Variants in DGKB observed in about 807,000 individuals in gnomAD.
DGKB encodes the protein diacylglycerol kinase beta.
In DGKB, 67 loss-of-function variants were observed where a neutral mutation model predicts 114.3. That is an observed-to-expected ratio of 0.59 (90% confidence interval 0.48 to 0.72). The LOEUF (loss-of-function observed/expected upper bound fraction) is 0.72. Ranked by LOEUF, DGKB falls within the 30% of genes least tolerant of loss-of-function variation. DGKB has a pLI of 0.00. For synonymous variants in DGKB, 398 were observed against 323.1 expected (o/e 1.23, Z -2.49); for missense variants, 907 against 975.2 (o/e 0.93, Z 0.93).
intron 1 of DGKB, among the ~76,000 whole-genome samples, chr7:14,961,448 C>T (rs188583812): frequency 3.3e-5 from 5 of 152,160 alleles, no homozygotes; most frequent in African/African-American, 7.2e-5. Context: ...TTAAAGTGCA[C>T]TCCATTTTAT....
At chr7:14,481,885 C>T (rs545924991) in intron 20 of DGKB, among the ~76,000 whole-genome samples, 1 of 152,034 alleles carries the variant, frequency 6.6e-6, no homozygotes, top group African/African-American at 2.4e-5. Flanking sequence ...AGTGTTACTG[C>T]AAACAAGAAA....
chr7:14,424,446 C>T (rs1827196242), intron 21 of DGKB, among the ~76,000 whole-genome samples: 1 of 151,876 alleles, frequency 6.6e-6, no homozygotes, highest in Non-Finnish European at 1.5e-5. Context: ...TAGCAAAAAG[C>T]CTTCTCTGAC....
Position 14,147,344 on chromosome 7 carries a change from GTAAT to G in DGKB, c.*1783_*1786del, listed in dbSNP as rs1384270146. ...TTATTCAAAAGCTTTTATTTTTAAA[GTAAT>G]TAAGCTTATTGTTGATTGATATTTA... is the stretch of plus-strand genomic sequence containing the variant. On this transcript the variant is annotated 3_prime_UTR_variant, in exon 26 of 26. Coordinates refer to ENST00000402815, the MANE Select transcript of DGKB (RefSeq NM_001350709.2). 6.6e-6 allele frequency: 1 copy of G among 152,108 alleles called. No individual in the cohort carries two copies. Among genetic ancestry groups the G allele is most frequent in the African/African-American group, 2.4e-5 (1 of 41,426 alleles). 9.4% of individuals were successfully genotyped at this position (152,108 alleles called of 1,614,324 possible).
chr7:14,250,667 T>G (rs904377218), intron 23 of DGKB, among the ~76,000 whole-genome samples: 7 of 152,210 alleles, frequency 4.6e-5, no homozygotes, highest in Admixed American at 3.3e-4. Context: ...ATTTGGTCAG[T>G]AGTGTTGTAG....
At chr7:14,616,032 TA>T in intron 15 of DGKB, among the ~76,000 whole-genome samples, 1 of 151,148 alleles carries the variant, frequency 6.6e-6, no homozygotes, top group African/African-American at 2.4e-5. Context: ...GTAATATTTT[TA>T]TTTTTTTGAA....
chr7:14,435,507 T>C (rs1195352460), intron 21 of DGKB, among the ~76,000 whole-genome samples: 3 of 152,116 alleles, frequency 2.0e-5, no homozygotes, highest in African/African-American at 4.8e-5. Flanking sequence ...TATGTGAGTA[T>C]AGTAAATGAT....
At chr7:14,888,314 T>C (rs1780637270) in intron 1 of DGKB, among the ~76,000 whole-genome samples, 1 of 151,578 alleles carries the variant, frequency 6.6e-6, no homozygotes, top group Non-Finnish European at 1.5e-5. Context: ...ACGGGTTCTT[T>C]TCATTCCATA....
intron 23 of DGKB, among the ~76,000 whole-genome samples, chr7:14,288,655 C>T (rs1450998191): frequency 2.0e-5 from 3 of 152,076 alleles, no homozygotes; most frequent in Admixed American, 1.3e-4. Flanking sequence ...CTACTCTTTG[C>T]CTTCATCATT....
intron 17 of DGKB, among the ~76,000 whole-genome samples, chr7:14,597,826 A>ATG (rs144594157): frequency 2.7e-4 from 41 of 151,406 alleles, no homozygotes; most frequent in Admixed American, 1.1e-3. Flanking sequence ...AATAATTTAC[A>ATG]TGTGTGTGTG....
chr7:14,860,813 T>A (rs1850865815), intron 1 of DGKB, among the ~76,000 whole-genome samples: 1 of 151,878 alleles, frequency 6.6e-6, no homozygotes. Flanking sequence ...ACAACCTGAT[T>A]TTATGTGCAA....
chr7:14,170,151 A>AG (rs1378915075), intron 25 of DGKB, among the ~76,000 whole-genome samples: 3 of 68,422 alleles, frequency 4.4e-5, no homozygotes, highest in African/African-American at 3.3e-4. Flanking sequence ...AAAAAAAAGA[A>AG]AGAAAGAAAG....
At chr7:14,408,341 A>G (rs955242376) in intron 21 of DGKB, among the ~76,000 whole-genome samples, 1 of 152,142 alleles carries the variant, frequency 6.6e-6, no homozygotes, top group African/African-American at 2.4e-5. Context: ...GGGAGTAAGA[A>G]CAGAATAAGG....
chr7:14,195,066 C>G lies in DGKB; in HGVS notation c.2123-16915G>C, dbSNP rs568185804. Among the ~76,000 whole-genome samples the G allele has an allele frequency of 3.3e-5, 5 of 152,224 alleles. No homozygotes were observed. The East Asian group carries it at 9.7e-4, about 29-fold the overall frequency. ...ACAGCAATCCATTGCTGCCACTAGC[C>G]ATGTGTATTATCAGTAAATGTAAAT... On this transcript the variant is annotated intron_variant, in intron 23 of 25. Coordinates refer to ENST00000402815, the MANE Select transcript of DGKB (RefSeq NM_001350709.2).
In DGKB at chr7:14,621,405, A is replaced by T. The variant is rs757269261; in HGVS notation, c.1257T>A (p.Ser419=). Residue 419 remains serine (S), a synonymous_variant, in exon 15 of 26, where the codon TCT becomes TCA. Transcript: ENST00000402815. ...IDKNKMQRAN[S]VTVDGQGLQV... ...GCAGGCCTTGTCCATCTACAGTAACAGAGTTGGCTCTTTGCATTTTATTCT... is the reference window on the plus strand; with the variant it reads ...GCAGGCCTTGTCCATCTACAGTAACTGAGTTGGCTCTTTGCATTTTATTCT... 4 of 1,610,646 alleles carry T rather than the reference A, an allele frequency of 2.5e-6. No homozygotes were observed. In the African/African-American group the frequency reaches 4.0e-5, roughly 16 times the overall value.
intron 13 of DGKB, among the ~76,000 whole-genome samples, chr7:14,657,880 G>A (rs1227676188): frequency 1.3e-5 from 2 of 151,902 alleles, no homozygotes; most frequent in African/African-American, 4.8e-5. Context: ...AAAGTCAGAT[G>A]AAAAAATCTA....
At chr7:14,889,285 G>A (rs1315861883) in intron 1 of DGKB, among the ~76,000 whole-genome samples, 1 of 151,676 alleles carries the variant, frequency 6.6e-6, no homozygotes, top group East Asian at 1.9e-4. Context: ...ATTCCATGTA[G>A]AGGGAGCAAT....
At chr7:14,877,969 C>A (rs1347440515) in intron 1 of DGKB, among the ~76,000 whole-genome samples, 1 of 151,696 alleles carries the variant, frequency 6.6e-6, no homozygotes, top group Admixed American at 6.6e-5. Context: ...AATAAAGAAT[C>A]TCTATTTGTG....
chr7:14,368,212 C>T (rs1466175326), intron 21 of DGKB, among the ~76,000 whole-genome samples: 2 of 151,702 alleles, frequency 1.3e-5, no homozygotes, highest in African/African-American at 4.8e-5. Context: ...GATGGACCTA[C>T]ACTGACACAT....
chr7:14,643,480 T>TCTC lies in DGKB; in HGVS notation c.1135-13215_1135-13213dup, dbSNP rs1333199386. On this transcript the variant is annotated intron_variant, in intron 13 of 25. Coordinates refer to ENST00000402815, the MANE Select transcript of DGKB (RefSeq NM_001350709.2). Reference sequence around the variant, plus strand: ...TGACTTGGGCCAAATAGCCCCTGTATCTCCACATCCATAGTATTCCACTGA... The same window carrying TCTC: ...TGACTTGGGCCAAATAGCCCCTGTATCTCCTCCACATCCATAGTATTCCACTGA... Among the ~76,000 whole-genome samples, 5 of 152,130 alleles carry TCTC rather than the reference T, an allele frequency of 3.3e-5. No individual in the cohort carries two copies. The East Asian group carries it at 9.6e-4, about 29-fold the overall frequency.
Sources: gnomAD v4.1 joint callset for allele counts (sites outside exome capture counted in the v4.1 genomes callset) on GRCh38, gnomAD v4.1.1 for gene constraint, MANE v1.5 for transcripts, NCBI Gene and HGNC (gene_info 2026-07-23, HGNC 2026-07-21) for gene names.